The following RAPGEF2 variants were observed in gnomAD, a reference collection of about 807,000 sequenced individuals.
RAPGEF2 encodes Rap guanine nucleotide exchange factor 2.
RAPGEF2 carries 54 observed loss-of-function variants against 186.7 expected under a neutral mutation model. The observed-to-expected ratio is 0.29, with a 90% confidence interval of 0.23 to 0.36. The LOEUF (loss-of-function observed/expected upper bound fraction) is 0.36. RAPGEF2 is among the 10% of genes least tolerant of loss of function. The probability of loss-of-function intolerance (pLI) is 1.00; values close to 1 mark genes in which losing one functional copy is unlikely to be tolerated. For synonymous variants in RAPGEF2, 712 were observed against 705.9 expected (o/e 1.01, Z -0.14); for missense variants, 1,532 against 2,045.0 (o/e 0.75, Z 4.84).
At chr4:159,265,042 T>C (rs72967707) in intron 7 of RAPGEF2, among the ~76,000 whole-genome samples, 4,512 of 152,288 alleles carry the variant, frequency 0.03, 224 homozygotes, top group African/African-American at 0.1. Flanking sequence ...GGCAACAGTT[T>C]ACTTTTAAGT....
chr4:159,283,393 G>A (rs973849900), intron 7 of RAPGEF2, among the ~76,000 whole-genome samples: 2 of 152,028 alleles, frequency 1.3e-5, no homozygotes, highest in African/African-American at 4.8e-5. Flanking sequence ...TTTTGTTATT[G>A]GTTCAGATGT....
At chr4:159,347,752 C>G (rs1730543254) in intron 25 of RAPGEF2, among the ~76,000 whole-genome samples, 1 of 152,182 alleles carries the variant, frequency 6.6e-6, no homozygotes, top group South Asian at 2.1e-4. Context: ...CCGCTGCACT[C>G]CTCCAGCCTG....
At chr4:159,153,749 GA>G (rs1222809969) in intron 1 of RAPGEF2, among the ~76,000 whole-genome samples, 1 of 152,104 alleles carries the variant, frequency 6.6e-6, no homozygotes, top group African/African-American at 2.4e-5. Flanking sequence ...GTTTCTTTGA[GA>G]AAATATCCCC....
chr4:159,331,488 C>A lies in RAPGEF2; in HGVS notation c.1525C>A (p.Pro509Thr). The A allele has an allele frequency of 6.2e-7, 1 of 1,613,338 alleles. No individual in the cohort carries two copies. Among genetic ancestry groups the A allele is most frequent in the East Asian group, 2.2e-5 (1 of 44,840 alleles). Residue 509 changes from proline (P) to threonine (T), a missense_variant, in exon 14 of 30, where the codon CCT becomes ACT. Physicochemically the swap from Pro to Thr is conservative, Grantham distance 38. This residue lies in a region of RAPGEF2 where 810 missense variants were observed against 1,210.5 expected (regional missense o/e 0.67). Coordinates refer to ENST00000691494, the MANE Select transcript of RAPGEF2 (RefSeq NM_001394067.2). The stretch of plus-strand genomic sequence containing the variant: ...TCACTTCAATGACTTTGAAGGAGAT[C>A]CTGCAATGACTCGATTTTTAGAAGA... Reference protein sequence around the residue: ...NNHFNDFEGDPAMTRFLEEFE... With the variant: ...NNHFNDFEGDTAMTRFLEEFE...
intron 4 of RAPGEF2, among the ~76,000 whole-genome samples, chr4:159,236,204 T>C (rs973071439): frequency 3.3e-5 from 5 of 152,236 alleles, no homozygotes; most frequent in Admixed American, 2.6e-4. Flanking sequence ...TCGAGTCTTT[T>C]TATGGTTGAA....
intron 2 of RAPGEF2, 34 bp from the exon 3 acceptor site, chr4:159,193,166 A>G: frequency 7.4e-7 from 1 of 1,354,930 alleles, no homozygotes; most frequent in Non-Finnish European, 9.7e-7. Context: ...TTTTAGTGAC[A>G]GATGTTGAAC....
chr4:159,131,520 T>TTGG (rs747747003), intron 1 of RAPGEF2, among the ~76,000 whole-genome samples: 5,466 of 54,200 alleles, frequency 0.1, 1,094 homozygotes, highest in African/African-American at 0.28. Context: ...TTAATTGCTA[T>TTGG]TTTTTTTTTT....
Position 159,153,092 on chromosome 4 carries a change from A to C in RAPGEF2, c.70-33550A>C, listed in dbSNP as rs545856027. On this transcript the variant is annotated intron_variant, in intron 1 of 29. Transcript: ENST00000691494. Reference sequence around the variant, plus strand: ...TGGTCAGTTACTATATTATTTCAATAATCTTTTATTTGCCTTTATCAAACA... The same window carrying C: ...TGGTCAGTTACTATATTATTTCAATCATCTTTTATTTGCCTTTATCAAACA... 4.0e-4 allele frequency among the ~76,000 whole-genome samples: 61 copies of C among 152,288 alleles called. 2 individuals are homozygous for C. Among genetic ancestry groups the C allele is most frequent in the Admixed American group, 3.9e-3 (60 of 15,304 alleles).
chr4:159,280,676 T>C, intron 7 of RAPGEF2, among the ~76,000 whole-genome samples: 1 of 152,208 alleles, frequency 6.6e-6, no homozygotes, highest in East Asian at 1.9e-4. Flanking sequence ...AGTTAATGAG[T>C]GACTTTGAAT....
chr4:159,235,079 C>T (rs7674223), intron 4 of RAPGEF2, among the ~76,000 whole-genome samples: 93,081 of 152,058 alleles, frequency 0.61, 29,595 homozygotes, highest in African/African-American at 0.72. Context: ...TTATCTTAAT[C>T]TATACATCTG....
intron 7 of RAPGEF2, 94 bp from the exon 8 acceptor site, chr4:159,304,248 G>T: frequency 8.6e-7 from 1 of 1,166,596 alleles, no homozygotes; most frequent in Non-Finnish European, 1.2e-6. Context: ...TTAGTTCAAT[G>T]GTATAGAATA....
chr4:159,337,889 C>CAAAAAAAAAAAAAAAAAAAAAAAAAAA (rs553291521), intron 17 of RAPGEF2, among the ~76,000 whole-genome samples: 4 of 32,574 alleles, frequency 1.2e-4, no homozygotes, highest in South Asian at 1.9e-3. Flanking sequence ...GACTCCATCT[C>CAAAAAAAAAAAAAAAAAAAAAAAAAAA]AAAAAAAAAA....
At chr4:159,176,674 G>T (rs116284804) in intron 1 of RAPGEF2, among the ~76,000 whole-genome samples, 1 of 152,102 alleles carries the variant, frequency 6.6e-6, no homozygotes, top group Non-Finnish European at 1.5e-5. Context: ...TCCAAGAACG[G>T]TGCTAAATTA....
intron 17 of RAPGEF2, among the ~76,000 whole-genome samples, chr4:159,338,028 G>C (rs942153177): frequency 6.6e-6 from 1 of 152,062 alleles, no homozygotes; most frequent in East Asian, 1.9e-4. Context: ...GCCACAGCAG[G>C]AGGATCACTT....
At chr4:159,202,817 A>T (rs1463808840) in intron 3 of RAPGEF2, among the ~76,000 whole-genome samples, 2 of 152,000 alleles carry the variant, frequency 1.3e-5, no homozygotes, top group Non-Finnish European at 1.5e-5. Flanking sequence ...GGCCAGGTAG[A>T]TCTCAAACTC....
Position 159,221,320 on chromosome 4 carries a change from A to G in RAPGEF2, c.281+10737A>G, listed in dbSNP as rs111997850. The stretch of plus-strand genomic sequence containing the variant: ...GCTTGCATTTTCAGGGTCAGTTCGT[A>G]GCACAGATGGCTGCCAAACCCCAGC... On this transcript the variant is annotated intron_variant, in intron 4 of 29. Transcript: ENST00000691494. Among the ~76,000 whole-genome samples, 400 of 152,318 alleles carry G rather than the reference A, an allele frequency of 2.6e-3. 3 individuals carry two copies. Among genetic ancestry groups the G allele is most frequent in the African/African-American group, 9.1e-3 (379 of 41,554 alleles).
At chr4:159,307,327 A>G (rs1023443109) in intron 8 of RAPGEF2, among the ~76,000 whole-genome samples, 1 of 152,280 alleles carries the variant, frequency 6.6e-6, no homozygotes, top group African/African-American at 2.4e-5. Flanking sequence ...TAGATCTTGA[A>G]AAATAATTTT....
At chr4:159,309,975 G>T (rs189320976) in intron 8 of RAPGEF2, among the ~76,000 whole-genome samples, 1 of 134,084 alleles carries the variant, frequency 7.5e-6, no homozygotes, top group East Asian at 1.9e-4. Flanking sequence ...TAAAGAGTTA[G>T]CAAACAATGT....
In RAPGEF2 at chr4:159,339,151, T is replaced by A; in HGVS notation, c.2331T>A (p.Asp777Glu). 6.2e-7 allele frequency: 1 copy of A among 1,614,096 alleles called. No homozygotes were observed. Among genetic ancestry groups the A allele is most frequent in the Non-Finnish European group, 8.5e-7 (1 of 1,179,982 alleles). ...PDQVLRVFKA[D>E]QQSRYIMISK... ...AAGTGCTAAGGGTTTTTAAGGCTGA[T>A]CAGCAAAGCCGCTACATCATGATCA... Residue 777 changes from aspartate (D) to glutamate (E), a missense_variant, in exon 19 of 30, where the codon GAT becomes GAA. Around this residue, in one of 4 missense-constraint regions of RAPGEF2, gnomAD observed 810 missense variants for 1,210.5 expected, o/e 0.67. Coordinates refer to ENST00000691494, the MANE Select transcript of RAPGEF2 (RefSeq NM_001394067.2).
Sources: allele counts gnomAD v4.1 joint callset (sites outside exome capture counted in the v4.1 genomes callset), GRCh38; gene constraint gnomAD v4.1.1; regional missense constraint gnomAD v4.1.1; transcripts MANE v1.5; gene names NCBI Gene and HGNC (gene_info 2026-07-23, HGNC 2026-07-21).